ASS1: variants seen among roughly 807,000 people sequenced by gnomAD.
ASS1 encodes argininosuccinate synthase 1, also known as argininosuccinate synthase.
Under a neutral mutation model 60.5 loss-of-function variants are expected in ASS1, and 58 were observed. The observed-to-expected ratio is 0.96, with a 90% confidence interval of 0.78 to 1.19. ASS1 has a LOEUF of 1.19. ASS1 is among the 50% of genes most tolerant of loss of function. The probability of loss-of-function intolerance (pLI) is 0.00; values close to 1 mark genes in which losing one functional copy is unlikely to be tolerated. For synonymous variants in ASS1, 200 were observed against 206.9 expected, an observed-to-expected ratio of 0.97 and a Z score of 0.29; for missense variants, 454 against 547.3, an observed-to-expected ratio of 0.83 and a Z score of 1.70.
chr9:130,473,810 A>G (rs1482709365), intron 8 of ASS1, among the ~76,000 whole-genome samples: 1 of 152,232 alleles, frequency 6.6e-6, no homozygotes, highest in Non-Finnish European at 1.5e-5. Flanking sequence ...GAAGAAAGAT[A>G]GAAATTTACT....
At chr9:130,461,856 G>A (rs1354694201) in intron 4 of ASS1, among the ~76,000 whole-genome samples, 1 of 152,176 alleles carries the variant, frequency 6.6e-6, no homozygotes, top group Admixed American at 6.5e-5. Flanking sequence ...CACGGGGGAC[G>A]GGCCAGGTGG....
intron 8 of ASS1, among the ~76,000 whole-genome samples, chr9:130,472,550 C>A (rs946157575): frequency 6.6e-6 from 1 of 152,148 alleles, no homozygotes; most frequent in Non-Finnish European, 1.5e-5. Flanking sequence ...GGCGAGGGAA[C>A]GGGCCCTGGG....
chr9:130,463,641 G>A lies in ASS1; in HGVS notation c.364-470G>A, dbSNP rs759968323. 3.3e-5 allele frequency among the ~76,000 whole-genome samples: 5 copies of A among 152,298 alleles called. No homozygotes were observed. In the South Asian group the frequency reaches 6.2e-4, roughly 19 times the overall value. On this transcript the variant is annotated intron_variant, in intron 4 of 14. Transcript: ENST00000352480. ...CTGACACCAGCCATTGAAGAGATGC[G>A]GAAACTGAGGCTCAGAGAGGTGACA...
intron 10 of ASS1, 107 bp from the exon 11 acceptor site, chr9:130,480,278 G>T: frequency 8.2e-7 from 1 of 1,214,606 alleles, no homozygotes; most frequent in Non-Finnish European, 1.2e-6. Context: ...CTGAAATGCT[G>T]CCTAATGTGT....
chr9:130,492,260 G>A (rs1846467928), intron 12 of ASS1, among the ~76,000 whole-genome samples: 5 of 152,152 alleles, frequency 3.3e-5, no homozygotes, highest in Non-Finnish European at 4.4e-5. Context: ...TTCCCCTCCT[G>A]TCAAATAAAG....
At chr9:130,498,871 G>A (rs1254940695) in intron 13 of ASS1, among the ~76,000 whole-genome samples, 2 of 152,208 alleles carry the variant, frequency 1.3e-5, no homozygotes, top group Non-Finnish European at 2.9e-5. Context: ...CTGAGAGGTG[G>A]AAACTGTAGA....
chr9:130,458,305 C>G (rs925733820), intron 3 of ASS1, 96 bp from the exon 4 acceptor site: 9 of 1,461,432 alleles, frequency 6.2e-6, no homozygotes, highest in South Asian at 3.4e-5. Flanking sequence ...GGGGTGGCCC[C>G]GTATAGGTCT....
At position 130,462,723 on chromosome 9, in the gene ASS1, T is replaced by C. The variant is rs150761929; in HGVS notation, c.364-1388T>C. Among the ~76,000 whole-genome samples, 1,039 of 152,276 alleles carry C rather than the reference T, an allele frequency of 6.8e-3. 15 individuals carry two copies. The highest frequency in any genetic ancestry group is 0.024 in the African/African-American group (993 of 41,548). On this transcript the variant is annotated intron_variant, in intron 4 of 14. Coordinates refer to ENST00000352480, the MANE Select transcript of ASS1 (RefSeq NM_054012.4). ...TAGTTGCTCCAGGAACGGGGCCGGC[T>C]GGGGGTCAGCAGGCAAATGTGGCCG...
chr9:130,456,516 G>A (rs1845454412), intron 3 of ASS1, among the ~76,000 whole-genome samples: 1 of 152,058 alleles, frequency 6.6e-6, no homozygotes, highest in African/African-American at 2.4e-5. Context: ...TTATCCTAAT[G>A]TTTTTTATAT....
chr9:130,475,766 G>C (rs73544005), intron 8 of ASS1, among the ~76,000 whole-genome samples: 3 of 147,638 alleles, frequency 2.0e-5, no homozygotes, highest in Non-Finnish European at 4.5e-5. Flanking sequence ...TTTTTTGGTG[G>C]GGGGGTGGGG....
rs1042492776 is a variant in ASS1, at chr9:130,477,864, G to A, written c.688+903G>A. Reference sequence around the variant, plus strand: ...GCTGGGATGAGAGGGAGAGAGGCTCGTGGAGAGGCCTGGCCCGGCTCTGGC... The same window carrying A: ...GCTGGGATGAGAGGGAGAGAGGCTCATGGAGAGGCCTGGCCCGGCTCTGGC... On this transcript the variant is annotated intron_variant, in intron 9 of 14. Transcript: ENST00000352480. The surrounding 1 kb of genome is among the most constrained non-coding windows in gnomAD (Gnocchi z 4.2). 2.0e-5 allele frequency among the ~76,000 whole-genome samples: 3 copies of A among 152,182 alleles called. No homozygotes were observed. Among genetic ancestry groups the A allele is most frequent in the Admixed American group, 6.5e-5 (1 of 15,290 alleles).
rs1219890048 is a variant in ASS1, at chr9:130,494,848, C to T, written c.971-19C>T. ...GTGCAGGAGGCCTCCCTAGTGGTAT[C>T]CTGTTTTCCTCCCTGTAGGTTTCTG... On this transcript the variant is annotated intron_variant, in intron 12 of 14. Transcript: ENST00000352480. The surrounding 1 kb of genome is among the most constrained non-coding windows in gnomAD (Gnocchi z 4.3). 1.9e-6 allele frequency: 3 copies of T among 1,613,348 alleles called. No individual in the cohort carries two copies. Among genetic ancestry groups the T allele is most frequent in the South Asian group, 1.1e-5 (1 of 91,038 alleles).
At chr9:130,472,792 G>A (rs1298261473) in intron 8 of ASS1, among the ~76,000 whole-genome samples, 1 of 152,222 alleles carries the variant, frequency 6.6e-6, no homozygotes, top group Non-Finnish European at 1.5e-5. Flanking sequence ...GGGAGGCCGA[G>A]CCTGCAGGGT....
At chr9:130,472,579 T>C (rs529584711) in intron 8 of ASS1, among the ~76,000 whole-genome samples, 3 of 152,292 alleles carry the variant, frequency 2.0e-5, no homozygotes, top group African/African-American at 7.2e-5. Context: ...CCTCCAGCTC[T>C]GTGGCTCCCC....
At chr9:130,479,578 T>C in intron 9 of ASS1, 138 bp from the exon 10 acceptor site, 1 of 752,064 alleles carries the variant, frequency 1.3e-6, no homozygotes, top group South Asian at 1.4e-5. Flanking sequence ...GCACAGGGCT[T>C]TTGAAGGAGT....
intron 3 of ASS1, among the ~76,000 whole-genome samples, chr9:130,456,873 C>A (rs921395719): frequency 6.6e-6 from 1 of 151,886 alleles, no homozygotes; most frequent in Non-Finnish European, 1.5e-5. Flanking sequence ...TTACAGTGAG[C>A]CAAGATTGCA....
chr9:130,454,491 G>A (rs1237567839), intron 3 of ASS1, 118 bp downstream of exon 3: 3 of 1,118,644 alleles, frequency 2.7e-6, no homozygotes, highest in Non-Finnish European at 3.9e-6. Flanking sequence ...GCTTCTAAGA[G>A]TATGAGATCA....
chr9:130,499,745 A>AT (rs1178179965), intron 14 of ASS1, among the ~76,000 whole-genome samples, 175 bp downstream of exon 14: 1 of 152,084 alleles, frequency 6.6e-6, no homozygotes, highest in African/African-American at 2.4e-5. Context: ...TAGCATCCTC[A>AT]GAAGCATGCT....
chr9:130,452,459 T>A (rs1845350347), intron 2 of ASS1, 126 bp downstream of exon 2: 1 of 799,800 alleles, frequency 1.3e-6, no homozygotes, highest in Non-Finnish European at 2.2e-6. Context: ...CCTGGCCTCT[T>A]CTCTCGAAGC....
Sources: allele counts gnomAD v4.1 joint callset (sites outside exome capture counted in the v4.1 genomes callset), GRCh38; gene constraint gnomAD v4.1.1; non-coding constraint Gnocchi (gnomAD v3.1); transcripts MANE v1.5; gene names NCBI Gene and HGNC (gene_info 2026-07-23, HGNC 2026-07-21).